GAREM1: variants seen among roughly 807,000 people sequenced by gnomAD.
GAREM1 encodes GRB2 associated regulator of MAPK1 subtype 1, also known as GRB2-associated and regulator of MAPK protein 1.
Under a neutral mutation model 71.3 loss-of-function variants are expected in GAREM1, and 26 were observed. The observed-to-expected ratio is 0.36, with a 90% confidence interval of 0.27 to 0.51. The LOEUF is 0.51. Among genes scored for constraint, GAREM1 ranks in the 20% least tolerant of loss-of-function variants. The pLI is 0.95. For synonymous variants in GAREM1, 440 were observed against 433.2 expected, an observed-to-expected ratio of 1.02 and a Z score of -0.20; for missense variants, 1,026 against 1,103.1, an observed-to-expected ratio of 0.93 and a Z score of 0.99.
At chr18:32,410,138 A>C (rs1293199714) in intron 1 of GAREM1, among the ~76,000 whole-genome samples, 2 of 152,168 alleles carry the variant, frequency 1.3e-5, no homozygotes, top group African/African-American at 4.8e-5. Flanking sequence ...ACATAAGCAG[A>C]CAGGTGTCAT....
chr18:32,332,768 T>TTGGCACTTGAGGCTTCAGAGA (rs1302688512), intron 2 of GAREM1, among the ~76,000 whole-genome samples: 1 of 152,210 alleles, frequency 6.6e-6, no homozygotes, highest in Non-Finnish European at 1.5e-5. Context: ...AGTGCAGTGC[T>TTGGCACTTGAGGCTTCAGAGA]TGGCACTTGA....
intron 2 of GAREM1, among the ~76,000 whole-genome samples, chr18:32,360,068 C>A (rs950276266): frequency 1.3e-5 from 2 of 152,034 alleles, no homozygotes; most frequent in African/African-American, 4.8e-5. Context: ...TGGAGACATT[C>A]TCTAATTTGT....
chr18:32,470,297 C>T lies in GAREM1; in HGVS notation c.121+11G>A. 6.6e-7 allele frequency: 1 copy of T among 1,523,654 alleles called. No homozygotes were observed. The highest frequency in any genetic ancestry group is 2.7e-5 in the East Asian group (1 of 36,868). 94.4% of individuals were successfully genotyped at this position (1,523,654 alleles called of 1,614,324 possible). On this transcript the variant is annotated intron_variant, in intron 1 of 5. Transcript: ENST00000269209. The surrounding 1 kb of genome is among the most constrained non-coding windows in gnomAD (Gnocchi z 4.4). ...CTCGCCCGTCTGCCCCGCGCCCCAGCTGGGACTCACCGTTGTCCAGGCGCG... is the reference window on the plus strand; with the variant it reads ...CTCGCCCGTCTGCCCCGCGCCCCAGTTGGGACTCACCGTTGTCCAGGCGCG...
rs2144422957 is a variant in GAREM1 at position 32,273,119 on chromosome 18, A to T, written c.1567-2736T>A. Reference sequence around the variant, plus strand: ...TAGGGCGCATGGAAAATGTGAGACGATAAGGACTCTGTCAGTTAACTTTTC... The same window carrying T: ...TAGGGCGCATGGAAAATGTGAGACGTTAAGGACTCTGTCAGTTAACTTTTC... On this transcript the variant is annotated intron_variant, in intron 4 of 5. Transcript: ENST00000269209. Among the ~76,000 whole-genome samples the T allele has an allele frequency of 1.3e-5, 2 of 152,356 alleles. 1 individual carries two copies. The highest frequency in any genetic ancestry group is 4.1e-4 in the South Asian group (2 of 4,832).
chr18:32,285,546 C>T (rs1286537418), intron 4 of GAREM1, among the ~76,000 whole-genome samples: 1 of 152,200 alleles, frequency 6.6e-6, no homozygotes, highest in African/African-American at 2.4e-5. Flanking sequence ...GAATGTCCTT[C>T]TTTCTCATCT....
intron 2 of GAREM1, among the ~76,000 whole-genome samples, chr18:32,392,514 C>T (rs545054529): frequency 8.5e-5 from 13 of 152,216 alleles, no homozygotes; most frequent in African/African-American, 2.4e-4. Context: ...ATTTGTGAGA[C>T]GGAATCTTGT....
chr18:32,441,897 G>A (rs904060221), intron 1 of GAREM1, among the ~76,000 whole-genome samples: 9 of 152,118 alleles, frequency 5.9e-5, no homozygotes, highest in Non-Finnish European at 8.8e-5. Flanking sequence ...GAAGGTCACC[G>A]TAACAGAACT....
At chr18:32,324,236 T>C (rs150973347) in intron 2 of GAREM1, among the ~76,000 whole-genome samples, 1 of 152,320 alleles carries the variant, frequency 6.6e-6, no homozygotes, top group Non-Finnish European at 1.5e-5. Flanking sequence ...ATGGAAGTAT[T>C]TAGAAAGGAA....
intron 1 of GAREM1, among the ~76,000 whole-genome samples, chr18:32,435,773 G>A (rs912647669): frequency 6.6e-6 from 1 of 152,166 alleles, no homozygotes; most frequent in Non-Finnish European, 1.5e-5. Flanking sequence ...TTCACACATG[G>A]AATCTGGGAG....
intron 2 of GAREM1, among the ~76,000 whole-genome samples, chr18:32,348,385 G>A (rs1169272212): frequency 2.6e-5 from 4 of 152,114 alleles, no homozygotes; most frequent in Non-Finnish European, 5.9e-5. Flanking sequence ...TGAAAAGTAG[G>A]CAATATTCAA....
At chr18:32,452,984 G>A (rs1453315814) in intron 1 of GAREM1, among the ~76,000 whole-genome samples, 2 of 151,898 alleles carry the variant, frequency 1.3e-5, no homozygotes, top group Non-Finnish European at 2.9e-5. Context: ...TACTGTGACT[G>A]CTTGTATTAG....
Position 32,348,095 on chromosome 18 carries a change from G to A in GAREM1, c.263-37772C>T, listed in dbSNP as rs140690449. ...TGTTTTGAAACTTCTATAAAAAGCC[G>A]CAAGGGAATGCTCTAAAAATTATCA... On this transcript the variant is annotated intron_variant, in intron 2 of 5. Coordinates refer to ENST00000269209, the MANE Select transcript of GAREM1 (RefSeq NM_001242409.2). Among the ~76,000 whole-genome samples, 23 of 152,258 alleles carry A rather than the reference G, an allele frequency of 1.5e-4. No homozygotes were observed. The East Asian group carries it at 1.9e-3, about 13-fold the overall frequency.
intron 2 of GAREM1, among the ~76,000 whole-genome samples, chr18:32,330,159 CA>C (rs2047517707): frequency 6.6e-6 from 1 of 152,238 alleles, no homozygotes; most frequent in Middle Eastern, 3.4e-3. Context: ...ATATATACCA[CA>C]GAATACTACA....
chr18:32,276,826 G>A (rs986522078), intron 4 of GAREM1, among the ~76,000 whole-genome samples: 8 of 152,174 alleles, frequency 5.3e-5, no homozygotes, highest in African/African-American at 1.7e-4. Context: ...TGAAGTTATG[G>A]CGGCACTGAG....
chr18:32,414,796 A>G (rs1005120935), intron 1 of GAREM1, among the ~76,000 whole-genome samples: 1 of 152,132 alleles, frequency 6.6e-6, no homozygotes, highest in South Asian at 2.1e-4. Context: ...CCAGTGATGC[A>G]TCTTAAAGAA....
chr18:32,378,012 CTGTGTGTGTGTGTGTGTGTGTG>C (rs1157230204), intron 2 of GAREM1, among the ~76,000 whole-genome samples: 2 of 131,814 alleles, frequency 1.5e-5, no homozygotes, highest in South Asian at 2.6e-4. Context: ...TACTATATAA[CTGTGTGTGTGTGTGTGTGTGTG>C]TGTGTGTGTG....
In GAREM1 at chr18:32,310,421, T is replaced by G. The variant is rs1031765224; in HGVS notation, c.263-98A>C. 7 of 1,215,180 alleles carry G rather than the reference T, an allele frequency of 5.8e-6. No homozygotes were observed. The South Asian group carries it at 6.4e-5, about 11-fold the overall frequency. The allele number at this position is 1,215,180 out of a possible 1,614,324, so 75.3% of individuals were successfully genotyped here. On this transcript the variant is annotated intron_variant, in intron 2 of 5. Coordinates refer to ENST00000269209, the MANE Select transcript of GAREM1 (RefSeq NM_001242409.2). The stretch of plus-strand genomic sequence containing the variant: ...TCTCTCTTTACCCCAGCCCTTTTTT[T>G]GTCAAAGATTCCTGTTCATCATTAA...
At chr18:32,423,359 G>A (rs11081761) in intron 1 of GAREM1, among the ~76,000 whole-genome samples, 34,348 of 152,082 alleles carry the variant, frequency 0.23, 4,793 homozygotes, top group East Asian at 0.39. Context: ...TTTACACTAT[G>A]TTTTAGTTTA....
At chr18:32,397,810 G>A (rs1041103072) in intron 1 of GAREM1, among the ~76,000 whole-genome samples, 9 of 152,028 alleles carry the variant, frequency 5.9e-5, no homozygotes, top group African/African-American at 9.7e-5. Context: ...TGCACCAAGC[G>A]GACCTAATAG....
Sources: allele counts gnomAD v4.1 joint callset (sites outside exome capture counted in the v4.1 genomes callset), GRCh38; gene constraint gnomAD v4.1.1; non-coding constraint Gnocchi (gnomAD v3.1); transcripts MANE v1.5; gene names NCBI Gene and HGNC (gene_info 2026-07-23, HGNC 2026-07-21).